The following C1QTNF1 variants were observed in gnomAD, a reference collection of about 807,000 sequenced individuals.
C1QTNF1 encodes the protein C1q and TNF related 1, also known as complement C1q tumor necrosis factor-related protein 1.
In C1QTNF1, 22 loss-of-function variants were observed where a neutral mutation model predicts 27.8. The observed-to-expected ratio is 0.79, with a 90% confidence interval of 0.56 to 1.13. The LOEUF (loss-of-function observed/expected upper bound fraction) is 1.13. Among genes scored for constraint, C1QTNF1 ranks in the 50% most tolerant of loss-of-function variants. C1QTNF1 has a pLI of 0.00. For synonymous variants in C1QTNF1, 166 were observed against 154.3 expected (o/e 1.08, Z -0.56); for missense variants, 373 against 380.2 (o/e 0.98, Z 0.16).
intron 1 of C1QTNF1, among the ~76,000 whole-genome samples, chr17:79,043,090 GTGTGTGCA>G (rs1351605021): frequency 1.3e-5 from 2 of 151,030 alleles, no homozygotes; most frequent in African/African-American, 2.4e-5. Context: ...ATGTGTGTAT[GTGTGTGCA>G]TGTGTGCATG....
chr17:79,028,129 G>A (rs756116650), intron 1 of C1QTNF1, among the ~76,000 whole-genome samples: 6 of 152,232 alleles, frequency 3.9e-5, no homozygotes, highest in Admixed American at 1.3e-4. Flanking sequence ...GCAGGAGACG[G>A]CAGGCAGGGA....
Position 79,024,660 on chromosome 17 carries a change from C to CG in C1QTNF1, c.-15+171dup, listed in dbSNP as rs1460238613. On this transcript the variant is annotated intron_variant, in intron 1 of 3. Transcript: ENST00000579760. ...GCAGGGGCGGAAAGACCCGGGTTTTCGGGGGCAGCCCTGGCGTCTGGCTCT... is the reference window on the plus strand; with the variant it reads ...GCAGGGGCGGAAAGACCCGGGTTTTCGGGGGGCAGCCCTGGCGTCTGGCTCT... Among the ~76,000 whole-genome samples the CG allele has an allele frequency of 2.6e-5, 4 of 152,182 alleles. No homozygotes were observed. In the East Asian group the frequency reaches 5.8e-4, roughly 22 times the overall value.
chr17:79,033,886 C>T (rs937706502), intron 1 of C1QTNF1, among the ~76,000 whole-genome samples: 2 of 151,974 alleles, frequency 1.3e-5, no homozygotes, highest in Admixed American at 1.3e-4. Context: ...ACAGTGCGCA[C>T]GAAAGAGGAA....
chr17:79,026,389 AG>A (rs1240107894), intron 1 of C1QTNF1, among the ~76,000 whole-genome samples: 1 of 152,124 alleles, frequency 6.6e-6, no homozygotes, highest in East Asian at 1.9e-4. Context: ...CTTGACCTCA[AG>A]TGATCCACCC....
At chr17:79,031,172 A>AT (rs1568061556) in intron 1 of C1QTNF1, among the ~76,000 whole-genome samples, 1 of 149,258 alleles carries the variant, frequency 6.7e-6, no homozygotes, top group Non-Finnish European at 1.5e-5. Flanking sequence ...CGCCCGGCTA[A>AT]TTTTTTGTAT....
At chr17:79,043,681 G>A (rs947545432) in intron 1 of C1QTNF1, 1 of 570,550 alleles carries the variant, frequency 1.8e-6, no homozygotes, top group East Asian at 4.1e-5. Context: ...TTGCATGTGT[G>A]TTGAGTGTGT....
intron 1 of C1QTNF1, among the ~76,000 whole-genome samples, chr17:79,035,948 C>A (rs1170512480): frequency 1.3e-5 from 2 of 152,072 alleles, no homozygotes; most frequent in Non-Finnish European, 1.5e-5. Context: ...GGAGAGTTGA[C>A]CTTTAGGATC....
chr17:79,043,273 G>C (rs2072467862), intron 1 of C1QTNF1: 1 of 453,682 alleles, frequency 2.2e-6, no homozygotes, highest in African/African-American at 2.0e-5. Flanking sequence ...GTGCATGTGT[G>C]TTGAGAGTGT....
At chr17:79,047,355 T>C in intron 3 of C1QTNF1, 183 bp from the exon 4 acceptor site, 1 of 500,266 alleles carries the variant, frequency 2.0e-6, no homozygotes, top group Admixed American at 3.5e-5. Flanking sequence ...GGAATCACAA[T>C]ACCTCTGTGC....
At chr17:79,033,893 G>A (rs1238970420) in intron 1 of C1QTNF1, among the ~76,000 whole-genome samples, 1 of 152,146 alleles carries the variant, frequency 6.6e-6, no homozygotes, top group Non-Finnish European at 1.5e-5. Flanking sequence ...GCACGAAAGA[G>A]GAATGCAGAA....
rs544595650 is a variant in C1QTNF1 at position 79,025,966 on chromosome 17, G to A, written c.-15+1472G>A. The stretch of plus-strand genomic sequence containing the variant: ...TGTGTCTGCTTCTCACATGGCAGGC[G>A]CTCAACATTATATTAATAATTATAA... On this transcript the variant is annotated intron_variant, in intron 1 of 3. Coordinates refer to ENST00000579760, the MANE Select transcript of C1QTNF1 (RefSeq NM_030968.5). The A allele has an allele frequency of 5.6e-4, 236 of 420,288 alleles. 1 individual carries two copies. Among genetic ancestry groups the A allele is most frequent in the South Asian group, 3.4e-3 (196 of 57,804 alleles). 26.0% of individuals were successfully genotyped at this position (420,288 alleles called of 1,614,324 possible). A position where few individuals can be genotyped will look rare whatever the true frequency, so the allele number is the denominator to read the frequency against.
intron 1 of C1QTNF1, 65 bp from the exon 2 acceptor site, chr17:79,043,890 A>G (rs776837617): frequency 3.2e-6 from 5 of 1,576,978 alleles, no homozygotes; most frequent in Non-Finnish European, 3.5e-6. Context: ...CCCAATTTTC[A>G]GGCTGTTTCT....
chr17:79,029,329 G>A (rs184515603), intron 1 of C1QTNF1, among the ~76,000 whole-genome samples: 201 of 152,272 alleles, frequency 1.3e-3, no homozygotes, highest in African/African-American at 4.5e-3. Flanking sequence ...CTTTGCTGTC[G>A]GACACACCTA....
intron 1 of C1QTNF1, among the ~76,000 whole-genome samples, chr17:79,040,450 C>G (rs1444813603): frequency 2.6e-5 from 4 of 151,670 alleles, no homozygotes; most frequent in Non-Finnish European, 5.9e-5. Flanking sequence ...AAACTAAGAC[C>G]GAGGATGGAG....
At chr17:79,023,669 T>C (rs1284294395), upstream of C1QTNF1, among the ~76,000 whole-genome samples, 2 of 150,928 alleles carry the variant, frequency 1.3e-5, no homozygotes, top group Non-Finnish European at 2.9e-5. Flanking sequence ...AACAAAACAG[T>C]GGACCATCAC....
At position 79,047,863 on chromosome 17, in the gene C1QTNF1, C is replaced by A; in HGVS notation, c.621C>A (p.Thr207=). The A allele has an allele frequency of 6.2e-7, 1 of 1,614,206 alleles. No individual in the cohort carries two copies. Among genetic ancestry groups the A allele is most frequent in the Non-Finnish European group, 8.5e-7 (1 of 1,180,042 alleles). ...LNVHTWNQKE[T]YLHIMKNEEE... The stretch of plus-strand genomic sequence containing the variant: ...TGCACACCTGGAACCAGAAGGAGAC[C>A]TACCTGCACATCATGAAGAACGAGG... Residue 207 remains threonine (T), a synonymous_variant, in exon 4 of 4, where the codon ACC becomes ACA. Transcript: ENST00000579760.
intron 1 of C1QTNF1, among the ~76,000 whole-genome samples, chr17:79,027,917 C>A (rs1245474005): frequency 2.6e-5 from 4 of 152,224 alleles, no homozygotes; most frequent in Non-Finnish European, 2.9e-5. Flanking sequence ...CCCCACTGTA[C>A]ACCAGGGCAC....
chr17:79,046,614 G>C lies in C1QTNF1; in HGVS notation c.215G>C (p.Arg72Pro). The C allele has an allele frequency of 6.2e-7, 1 of 1,614,234 alleles. No homozygotes were observed. Among genetic ancestry groups the C allele is most frequent in the East Asian group, 2.2e-5 (1 of 44,884 alleles). ...PSQDQGLPAS[R>P]CLRCCDPGTS... ...CAGGACCAGGGGCTCCCTGCTTCCC[G>C]GTGCTTGCGCTGCTGTGACCCCGGT... The change falls in exon 3 of 4, where the codon CGG (arginine) becomes CCG (proline). Residue 72 changes from arginine to proline, a missense_variant. Coordinates refer to ENST00000579760, the MANE Select transcript of C1QTNF1 (RefSeq NM_030968.5). The surrounding 1 kb of genome is among the most constrained non-coding windows in gnomAD (Gnocchi z 4.8).
At chr17:79,037,233 G>A (rs576665153) in intron 1 of C1QTNF1, among the ~76,000 whole-genome samples, 125 of 152,230 alleles carry the variant, frequency 8.2e-4, no homozygotes, top group African/African-American at 2.7e-3. Context: ...TGGTTCAAGC[G>A]ATTCTCCTGC....
Sources: gnomAD v4.1 joint callset for allele counts (sites outside exome capture counted in the v4.1 genomes callset) on GRCh38, gnomAD v4.1.1 for gene constraint, Gnocchi (gnomAD v3.1) non-coding constraint, MANE v1.5 for transcripts, NCBI Gene and HGNC (gene_info 2026-07-23, HGNC 2026-07-21) for gene names.